The following SLIT3 variants were observed in gnomAD, a reference collection of about 807,000 sequenced individuals.
SLIT3 encodes the protein slit guidance ligand 3, also known as slit homolog 3 protein.
A neutral mutation model predicts 184.0 loss-of-function variants in SLIT3; 68 were observed. The ratio of observed to expected loss-of-function variants is 0.37; its 90% confidence interval spans 0.30 to 0.45. The LOEUF is 0.45. Ranked by LOEUF, SLIT3 falls within the 20% of genes least tolerant of loss-of-function variation. The pLI is 1.00. For synonymous variants in SLIT3, 831 were observed against 828.6 expected (o/e 1.00, Z -0.05); for missense variants, 1,707 against 2,026.0 (o/e 0.84, Z 3.02).
intron 4 of SLIT3, among the ~76,000 whole-genome samples, chr5:169,011,082 A>G (rs1756124135): frequency 6.6e-6 from 1 of 152,126 alleles, no homozygotes; most frequent in Non-Finnish European, 1.5e-5. Context: ...GAAGACTCTA[A>G]GTCTATAAGG....
chr5:168,755,173 C>G (rs1488969145), intron 16 of SLIT3, among the ~76,000 whole-genome samples: 1 of 152,086 alleles, frequency 6.6e-6, no homozygotes, highest in Non-Finnish European at 1.5e-5. Context: ...GACTGAGGTT[C>G]ACAGAGATTA....
chr5:169,295,955 A>G (rs1288787202), intron 1 of SLIT3, among the ~76,000 whole-genome samples: 3 of 152,104 alleles, frequency 2.0e-5, no homozygotes, highest in Non-Finnish European at 4.4e-5. Context: ...AGTTCTTTTC[A>G]TGGGCATGTG....
chr5:169,272,596 C>T (rs1266014226), intron 1 of SLIT3, among the ~76,000 whole-genome samples: 1 of 152,200 alleles, frequency 6.6e-6, no homozygotes, highest in Non-Finnish European at 1.5e-5. Flanking sequence ...TTTGAATGCA[C>T]TGATGTGATC....
chr5:168,790,664 G>C (rs1756333423), intron 10 of SLIT3: 2 of 152,162 alleles, frequency 1.3e-5, no homozygotes, highest in Non-Finnish European at 2.9e-5. Flanking sequence ...ATGGGTCTTT[G>C]CTTTTGTGCA....
rs769505903 is a variant in SLIT3, at chr5:168,883,279, G to A, written c.471C>T (p.Thr157=). Reference sequence around the variant, plus strand: ...ACATCACTTACAGGTTCTTCACATCGGTGATGCCGCGGAACGCCTTCCTCG... The same window carrying A: ...ACATCACTTACAGGTTCTTCACATCAGTGATGCCGCGGAACGCCTTCCTCG... ...GIPRKAFRGI[T]DVKNLQLDNN... is the part of the protein sequence containing the mutation. The change falls in exon 5 of 36, where the codon ACC becomes ACT. Residue 157 remains threonine, a synonymous_variant. Transcript: ENST00000519560. 2 of 1,613,800 alleles carry A rather than the reference G, an allele frequency of 1.2e-6. No individual in the cohort carries two copies. Among genetic ancestry groups the A allele is most frequent in the Admixed American group, 1.7e-5 (1 of 60,008 alleles).
intron 11 of SLIT3, among the ~76,000 whole-genome samples, chr5:168,788,990 G>T (rs912934320): frequency 6.6e-6 from 1 of 152,068 alleles, no homozygotes; most frequent in Non-Finnish European, 1.5e-5. Context: ...ATACCTTCCT[G>T]CCGGCAGGGG....
chr5:168,794,825 G>A (rs865883210), intron 10 of SLIT3, among the ~76,000 whole-genome samples: 1 of 151,994 alleles, frequency 6.6e-6, no homozygotes, highest in South Asian at 2.1e-4. Flanking sequence ...TGCTTTTCCT[G>A]CTGCCTGGGA....
intron 4 of SLIT3, among the ~76,000 whole-genome samples, chr5:168,925,512 A>G (rs1404820651): frequency 1.3e-5 from 2 of 152,226 alleles, no homozygotes; most frequent in East Asian, 3.9e-4. Context: ...TTCTGCCATC[A>G]CAGGCAGATA....
At chr5:168,994,122 AC>A (rs929431054) in intron 4 of SLIT3, 1 of 152,240 alleles carries the variant, frequency 6.6e-6, no homozygotes, top group African/African-American at 2.4e-5. Context: ...GTCTGCAGAC[AC>A]CCTTGTCCTA....
At chr5:168,761,920 A>ATTTTTTT (rs546743393) in intron 15 of SLIT3, among the ~76,000 whole-genome samples, 2 of 115,518 alleles carry the variant, frequency 1.7e-5, no homozygotes, top group Non-Finnish European at 3.5e-5. Context: ...AAAAAAAAAA[A>ATTTTTTT]ATTTTTTTTT....
chr5:168,902,544 TG>T (rs1268692392), intron 4 of SLIT3, among the ~76,000 whole-genome samples: 3 of 152,090 alleles, frequency 2.0e-5, no homozygotes, highest in Non-Finnish European at 4.4e-5. Context: ...TGTGTGTTAG[TG>T]GGGGACTGAT....
At position 169,275,587 on chromosome 5, in the gene SLIT3, C is replaced by T. The variant is rs537660891; in HGVS notation, c.198-24128G>A. Among the ~76,000 whole-genome samples the T allele has an allele frequency of 2.0e-5, 3 of 152,236 alleles. No homozygotes were observed. In the South Asian group the frequency reaches 6.2e-4, roughly 32 times the overall value. On this transcript the variant is annotated intron_variant, in intron 1 of 35. Transcript: ENST00000519560. ...TGGACTTCCACACGGTAGGGGCAGTCTCATAATCATGGTGGAGGGTGAAAG... is the reference window on the plus strand; with the variant it reads ...TGGACTTCCACACGGTAGGGGCAGTTTCATAATCATGGTGGAGGGTGAAAG...
At chr5:168,906,571 A>C (rs1312332176) in intron 4 of SLIT3, among the ~76,000 whole-genome samples, 1 of 152,174 alleles carries the variant, frequency 6.6e-6, no homozygotes, top group East Asian at 1.9e-4. Context: ...TGAGATCCCA[A>C]ACCGTCACAG....
intron 5 of SLIT3, chr5:168,844,896 ATT>A (rs34420406): frequency 0.07 from 16,060 of 228,574 alleles, no homozygotes; most frequent in East Asian, 0.11. Context: ...TTAATTGCGC[ATT>A]TTTTTTTTTT....
rs530867486 is a variant in SLIT3 at position 169,068,071 on chromosome 5, T to C, written c.413+125408A>G. ...AAGAATCATGGCTTATTTATCTCTC[T>C]ATTAGGTAATATAAACTAGTGAACT... On this transcript the variant is annotated intron_variant, in intron 4 of 35. Coordinates refer to ENST00000519560, the MANE Select transcript of SLIT3 (RefSeq NM_003062.4). Among the ~76,000 whole-genome samples the C allele has an allele frequency of 1.1e-4, 16 of 152,318 alleles. No homozygotes were observed. The East Asian group carries it at 3.1e-3, about 29-fold the overall frequency.
intron 1 of SLIT3, among the ~76,000 whole-genome samples, chr5:169,256,990 T>C (rs557886418): frequency 3.9e-5 from 6 of 152,074 alleles, no homozygotes; most frequent in East Asian, 2.0e-4. Flanking sequence ...GTGAGTTGTT[T>C]TGAGTTGTGC....
chr5:169,244,801 C>T (rs774198431), intron 2 of SLIT3, 25 bp from the exon 3 acceptor site: 1 of 1,610,168 alleles, frequency 6.2e-7, no homozygotes, highest in African/African-American at 1.3e-5. Flanking sequence ...ACAGCAATGA[C>T]TAAGGACAAA....
At chr5:168,938,428 C>G (rs767393508) in intron 4 of SLIT3, among the ~76,000 whole-genome samples, 1 of 152,168 alleles carries the variant, frequency 6.6e-6, no homozygotes, top group Non-Finnish European at 1.5e-5. Flanking sequence ...TAGCATATTG[C>G]CTGGTACTGA....
chr5:168,860,817 T>A (rs1759075527), intron 5 of SLIT3, among the ~76,000 whole-genome samples: 1 of 152,226 alleles, frequency 6.6e-6, no homozygotes, highest in South Asian at 2.1e-4. Flanking sequence ...TGCCCTGCCT[T>A]GCCTTTCCTA....
Sources: gnomAD v4.1 joint callset for allele counts (sites outside exome capture counted in the v4.1 genomes callset) on GRCh38, gnomAD v4.1.1 for gene constraint, MANE v1.5 for transcripts, NCBI Gene and HGNC (gene_info 2026-07-23, HGNC 2026-07-21) for gene names.